The following POU2F1 variants were observed in gnomAD, a reference collection of about 807,000 sequenced individuals.
The protein encoded by POU2F1 is POU domain, class 2, transcription factor 1.
POU2F1 carries 16 observed loss-of-function variants against 84.9 expected under a neutral mutation model. The observed-to-expected ratio is 0.19, with a 90% CI of 0.13 to 0.29. POU2F1 has a LOEUF of 0.29. POU2F1 is among the 10% of genes least tolerant of loss of function. POU2F1 has a pLI of 1.00. For missense variants in POU2F1, 738 were observed against 942.6 expected (o/e 0.78, Z 2.84); for synonymous variants, 368 against 368.3 (o/e 1.00, Z 0.01).
At chr1:167,289,725 A>G (rs1490056296) in intron 1 of POU2F1, among the ~76,000 whole-genome samples, 1 of 152,220 alleles carries the variant, frequency 6.6e-6, no homozygotes, top group African/African-American at 2.4e-5. Context: ...TAGGAGTTAC[A>G]CTAACTTTTA....
At chr1:167,293,147 TC>T (rs1271250192) in intron 1 of POU2F1, among the ~76,000 whole-genome samples, 2 of 152,066 alleles carry the variant, frequency 1.3e-5, no homozygotes, top group Non-Finnish European at 2.9e-5. Context: ...GTCCTAGAAG[TC>T]CTAGCCAGAG....
intron 1 of POU2F1, among the ~76,000 whole-genome samples, chr1:167,269,920 A>AAAAAAAAAAAG (rs1652244991): frequency 6.6e-6 from 1 of 151,764 alleles, no homozygotes; most frequent in African/African-American, 2.4e-5. Context: ...TCTCAAAAAA[A>AAAAAAAAAAAG]AAAAAAAAAG....
chr1:167,290,336 G>A (rs1653836778), intron 1 of POU2F1, among the ~76,000 whole-genome samples: 1 of 152,204 alleles, frequency 6.6e-6, no homozygotes, highest in African/African-American at 2.4e-5. Context: ...GTTTGAGCCT[G>A]CAGTGGGCAG....
chr1:167,350,370 G>A (rs1189254679), intron 2 of POU2F1, among the ~76,000 whole-genome samples: 1 of 152,166 alleles, frequency 6.6e-6, no homozygotes, highest in Non-Finnish European at 1.5e-5. Flanking sequence ...AGAAAACTCA[G>A]TTCTCTGCAA....
In POU2F1 at chr1:167,374,191, G is replaced by T; in HGVS notation, c.486G>T (p.Gln162His). ...QAQLLAAAVQ[Q>H]HSASQQHSAA... Reference sequence around the variant, plus strand: ...AGCTGCTGGCTGCTGCAGTGCAGCAGCACTCCGCCAGCCAGCAGCACAGTG... The same window carrying T: ...AGCTGCTGGCTGCTGCAGTGCAGCATCACTCCGCCAGCCAGCAGCACAGTG... The change falls in exon 6 of 16, where the codon CAG becomes CAT. Residue 162 changes from glutamine to histidine, a missense_variant. Around this residue, in one of 4 missense-constraint regions of POU2F1, gnomAD observed 163 missense variants for 214.4 expected, o/e 0.76. Coordinates refer to ENST00000367866, the MANE Select transcript of POU2F1 (RefSeq NM_002697.4). The T allele has an allele frequency of 6.2e-7, 1 of 1,613,036 alleles. No individual in the cohort carries two copies. Among genetic ancestry groups the T allele is most frequent in the Non-Finnish European group, 8.5e-7 (1 of 1,179,740 alleles).
chr1:167,382,836 G>C (rs1647664519), intron 7 of POU2F1, among the ~76,000 whole-genome samples: 1 of 152,014 alleles, frequency 6.6e-6, no homozygotes, highest in Non-Finnish European at 1.5e-5. Flanking sequence ...ATAAATATTA[G>C]TATCTTTTGA....
intron 1 of POU2F1, among the ~76,000 whole-genome samples, chr1:167,278,884 A>G (rs1487206787): frequency 2.0e-5 from 3 of 152,070 alleles, no homozygotes; most frequent in African/African-American, 7.2e-5. Context: ...ACATGGGTAC[A>G]TATTTGTGTC....
At chr1:167,359,599 G>A (rs1297348844) in intron 2 of POU2F1, among the ~76,000 whole-genome samples, 2 of 152,206 alleles carry the variant, frequency 1.3e-5, no homozygotes, top group African/African-American at 2.4e-5. Flanking sequence ...CACTTGGGTT[G>A]ATTCCATGTC....
At chr1:167,251,111 A>C (rs1328191977) in intron 1 of POU2F1, among the ~76,000 whole-genome samples, 2 of 152,194 alleles carry the variant, frequency 1.3e-5, no homozygotes, top group African/African-American at 4.8e-5. Context: ...TTTAAAGCTA[A>C]TCTTGGGCCA....
chr1:167,358,122 C>CTTTTTTTTTTTTTTTTTTT (rs763521021), intron 2 of POU2F1, among the ~76,000 whole-genome samples: 1 of 97,192 alleles, frequency 1.0e-5, no homozygotes, highest in Non-Finnish European at 2.0e-5. Flanking sequence ...TTTTTCTTTT[C>CTTTTTTTTTTTTTTTTTTT]TTTTTTTTTT....
intron 1 of POU2F1, among the ~76,000 whole-genome samples, chr1:167,232,875 G>A (rs1281207241): frequency 6.6e-6 from 1 of 151,716 alleles, no homozygotes; most frequent in African/African-American, 2.4e-5. Flanking sequence ...CAGTAAGCTA[G>A]TTAATTTATT....
At chr1:167,313,202 T>G (rs1033015785) in intron 1 of POU2F1, among the ~76,000 whole-genome samples, 1 of 151,110 alleles carries the variant, frequency 6.6e-6, no homozygotes, top group Non-Finnish European at 1.5e-5. Flanking sequence ...AAGGGAGAGA[T>G]ATATACTATA....
At chr1:167,227,916 T>C (rs1048353304) in intron 1 of POU2F1, among the ~76,000 whole-genome samples, 13 of 152,360 alleles carry the variant, frequency 8.5e-5, no homozygotes, top group African/African-American at 3.1e-4. Context: ...CTAAAGGTTT[T>C]GCTTCACAGA....
At chr1:167,347,868 A>G (rs759509082) in intron 2 of POU2F1, among the ~76,000 whole-genome samples, 39 of 152,276 alleles carry the variant, frequency 2.6e-4, no homozygotes, top group Non-Finnish European at 5.0e-4. Flanking sequence ...ATCAGTACTC[A>G]TTCCTTTTAT....
At chr1:167,238,830 G>T (rs959853522) in intron 1 of POU2F1, among the ~76,000 whole-genome samples, 2 of 152,158 alleles carry the variant, frequency 1.3e-5, no homozygotes, top group African/African-American at 4.8e-5. Context: ...AATTACATTT[G>T]TTGGTGCACA....
In POU2F1 at chr1:167,317,736, T is replaced by G. The variant is rs138695106; in HGVS notation, c.62-14734T>G. Among the ~76,000 whole-genome samples the G allele has an allele frequency of 5.1e-3, 784 of 152,296 alleles. 8 individuals are homozygous for G. Among genetic ancestry groups the G allele is most frequent in the African/African-American group, 0.018 (741 of 41,552 alleles). On this transcript the variant is annotated intron_variant, in intron 1 of 15. Transcript: ENST00000367866. Reference sequence around the variant, plus strand: ...CCTCCTTCCGGTAAACCAACAACCTTCAGCATTGGCATCATAGCCATCACA... The same window carrying G: ...CCTCCTTCCGGTAAACCAACAACCTGCAGCATTGGCATCATAGCCATCACA...
At chr1:167,308,361 C>T (rs1270412977) in intron 1 of POU2F1, among the ~76,000 whole-genome samples, 1 of 152,070 alleles carries the variant, frequency 6.6e-6, no homozygotes, top group Non-Finnish European at 1.5e-5. Context: ...GCCACCACGC[C>T]CAGCCTGTTT....
At chr1:167,349,752 G>T (rs35025830) in intron 2 of POU2F1, among the ~76,000 whole-genome samples, 1,847 of 152,086 alleles carry the variant, frequency 0.012, 14 homozygotes, top group South Asian at 0.026. Flanking sequence ...GATATTCCTG[G>T]TTCTCATTTG....
At chr1:167,345,028 C>T (rs1325958770) in intron 2 of POU2F1, among the ~76,000 whole-genome samples, 1 of 152,046 alleles carries the variant, frequency 6.6e-6, no homozygotes, top group East Asian at 1.9e-4. Context: ...CACATGGACA[C>T]AGGGAGGGGA....
Sources: gnomAD v4.1 joint callset for allele counts (sites outside exome capture counted in the v4.1 genomes callset) on GRCh38, gnomAD v4.1.1 for gene constraint, gnomAD v4.1.1 regional missense constraint, MANE v1.5 for transcripts, NCBI Gene and HGNC (gene_info 2026-07-23, HGNC 2026-07-21) for gene names.